SEMA3A: variants seen among roughly 807,000 people sequenced by gnomAD.
The protein encoded by SEMA3A is semaphorin 3A.
SEMA3A carries 29 observed loss-of-function variants against 97.9 expected under a neutral mutation model. The observed-to-expected ratio is 0.30, with a 90% CI of 0.22 to 0.40. The LOEUF is 0.40. Ranked by LOEUF, SEMA3A falls within the 10% of genes least tolerant of loss-of-function variation. The pLI is 1.00. For missense variants in SEMA3A, 763 were observed against 951.3 expected (o/e 0.80, Z 2.60); for synonymous variants, 321 against 323.7 (o/e 0.99, Z 0.09).
chr7:84,207,205 A>T (rs907460208), intron 3 of SEMA3A, among the ~76,000 whole-genome samples: 1 of 152,200 alleles, frequency 6.6e-6, no homozygotes, highest in Non-Finnish European at 1.5e-5. Flanking sequence ...TCCTAGTAAC[A>T]TTCCTTTCAC....
At chr7:84,489,557 G>A (rs772312810) in intron 1 of SEMA3A, among the ~76,000 whole-genome samples, 1 of 152,054 alleles carries the variant, frequency 6.6e-6, no homozygotes, top group Non-Finnish European at 1.5e-5. Context: ...GAAGTAGTTG[G>A]CTTCCAACTC....
intron 1 of SEMA3A, among the ~76,000 whole-genome samples, chr7:84,479,738 G>T (rs1248126997): frequency 6.6e-6 from 1 of 151,946 alleles, no homozygotes; most frequent in East Asian, 1.9e-4. Context: ...GTGAATATAC[G>T]TCAATGACAC....
At chr7:84,016,837 C>T (rs1791124643) in intron 6 of SEMA3A, among the ~76,000 whole-genome samples, 1 of 152,102 alleles carries the variant, frequency 6.6e-6, no homozygotes, top group Non-Finnish European at 1.5e-5. Flanking sequence ...GCCTCCATCA[C>T]ATGGTAAGTT....
chr7:84,385,796 C>T (rs957627016), intron 1 of SEMA3A, among the ~76,000 whole-genome samples: 1 of 152,302 alleles, frequency 6.6e-6, no homozygotes, highest in South Asian at 2.1e-4. Context: ...GACCTTTTCA[C>T]TCTTACCATT....
At chr7:84,158,492 C>G (rs1796924338) in intron 1 of SEMA3A, among the ~76,000 whole-genome samples, 1 of 152,046 alleles carries the variant, frequency 6.6e-6, no homozygotes, top group African/African-American at 2.4e-5. Flanking sequence ...GATGTGACAA[C>G]AAAAAATAAA....
chr7:84,221,817 C>A (rs1798890179), intron 3 of SEMA3A, among the ~76,000 whole-genome samples: 1 of 151,836 alleles, frequency 6.6e-6, no homozygotes, highest in Admixed American at 6.6e-5. Context: ...ATATAATAAT[C>A]TAAAAGTTTG....
At chr7:84,442,588 T>C (rs771434633) in intron 1 of SEMA3A, among the ~76,000 whole-genome samples, 2 of 151,916 alleles carry the variant, frequency 1.3e-5, no homozygotes, top group African/African-American at 2.4e-5. Flanking sequence ...AAAAAACAAA[T>C]AGTAAAATAG....
At chr7:84,217,302 A>G (rs1798773705) in intron 3 of SEMA3A, among the ~76,000 whole-genome samples, 2 of 152,326 alleles carry the variant, frequency 1.3e-5, no homozygotes, top group East Asian at 1.9e-4. Flanking sequence ...AAATATTTCC[A>G]GGATAGAAGA....
rs548699961 is a variant in SEMA3A at position 84,017,677 on chromosome 7, C to T, written c.668-3326G>A. Among the ~76,000 whole-genome samples the T allele has an allele frequency of 2.0e-5, 3 of 152,260 alleles. No homozygotes were observed. The East Asian group carries it at 5.8e-4, about 29-fold the overall frequency. ...AGAAAATCTGCTTTTTGGCCAAAAC[C>T]TCTGCTCACCACACATTTTCTACTT... On this transcript the variant is annotated intron_variant, in intron 6 of 16. Coordinates refer to ENST00000265362, the MANE Select transcript of SEMA3A (RefSeq NM_006080.3).
intron 3 of SEMA3A, among the ~76,000 whole-genome samples, chr7:84,262,059 G>T (rs760385131): frequency 8.6e-5 from 13 of 151,484 alleles, no homozygotes; most frequent in Non-Finnish European, 1.8e-4. Flanking sequence ...TGAAGACTTT[G>T]TATGCTTACA....
At chr7:84,412,454 A>G (rs1208026799) in intron 1 of SEMA3A, among the ~76,000 whole-genome samples, 1 of 152,146 alleles carries the variant, frequency 6.6e-6, no homozygotes, top group African/African-American at 2.4e-5. Context: ...GAGGGGTCAC[A>G]TTTTTACATT....
At chr7:84,228,585 C>G (rs1358453734) in intron 3 of SEMA3A, among the ~76,000 whole-genome samples, 1 of 151,970 alleles carries the variant, frequency 6.6e-6, no homozygotes, top group South Asian at 2.1e-4. Flanking sequence ...ATTTATCTGT[C>G]AATTTAAACG....
intron 3 of SEMA3A, among the ~76,000 whole-genome samples, chr7:84,267,766 G>A (rs1800042994): frequency 1.3e-5 from 2 of 152,018 alleles, no homozygotes; most frequent in Admixed American, 1.3e-4. Context: ...ACACACATAT[G>A]CAAACACATA....
At chr7:84,238,110 C>T (rs1180158513) in intron 3 of SEMA3A, among the ~76,000 whole-genome samples, 1 of 151,750 alleles carries the variant, frequency 6.6e-6, no homozygotes, top group Non-Finnish European at 1.5e-5. Context: ...CACTCTGTCA[C>T]CCAGACTGGA....
intron 4 of SEMA3A, among the ~76,000 whole-genome samples, chr7:84,073,966 G>T (rs1040041707): frequency 1.7e-4 from 26 of 151,776 alleles, no homozygotes; most frequent in African/African-American, 6.1e-4. Context: ...TAAGGCAAAG[G>T]TCTTTCCATT....
intron 15 of SEMA3A, among the ~76,000 whole-genome samples, chr7:83,973,292 A>G (rs1347366184): frequency 1.3e-5 from 2 of 152,088 alleles, no homozygotes; most frequent in Non-Finnish European, 2.9e-5. Context: ...TATCATCTGA[A>G]TAAGAGTTTA....
intron 2 of SEMA3A, among the ~76,000 whole-genome samples, chr7:84,364,794 G>T (rs972291515): frequency 3.2e-4 from 48 of 151,210 alleles, no homozygotes; most frequent in African/African-American, 1.1e-3. Flanking sequence ...TGCAGGTCAG[G>T]CAGGCCCTGA....
intron 1 of SEMA3A, among the ~76,000 whole-genome samples, chr7:84,434,384 C>CA (rs1030890968): frequency 1.3e-5 from 2 of 151,602 alleles, no homozygotes; most frequent in Non-Finnish European, 2.9e-5. Context: ...ATCTACCGAC[C>CA]AAAAAAAGCC....
At chr7:84,479,473 T>G (rs565569623) in intron 1 of SEMA3A, among the ~76,000 whole-genome samples, 11 of 152,246 alleles carry the variant, frequency 7.2e-5, no homozygotes, top group African/African-American at 2.6e-4. Flanking sequence ...CACACAAAAA[T>G]GTAGACATCA....
Sources: allele counts gnomAD v4.1 joint callset (sites outside exome capture counted in the v4.1 genomes callset), GRCh38; gene constraint gnomAD v4.1.1; transcripts MANE v1.5; gene names NCBI Gene and HGNC (gene_info 2026-07-23, HGNC 2026-07-21).